The following ASNS variants were observed in gnomAD, a reference collection of about 807,000 sequenced individuals.
ASNS encodes the protein asparagine synthetase [glutamine-hydrolyzing].
Under a neutral mutation model 62.6 loss-of-function variants are expected in ASNS, and 37 were observed. That is an observed-to-expected ratio of 0.59 (90% CI 0.45 to 0.78). The LOEUF (loss-of-function observed/expected upper bound fraction) is 0.78, where lower values mean the gene tolerates loss of function less well. Ranked by LOEUF, ASNS falls within the 30% of genes least tolerant of loss-of-function variation. ASNS has a pLI of 0.00. For synonymous variants in ASNS, 207 were observed against 237.9 expected, an observed-to-expected ratio of 0.87 and a Z score of 1.19; for missense variants, 520 against 682.4, an observed-to-expected ratio of 0.76 and a Z score of 2.65.
chr7:97,896,164 A>G, the ASNS span, among the ~76,000 whole-genome samples: 80 of 152,218 alleles, frequency 5.3e-4, 1 homozygote, highest in Admixed American at 4.0e-3. Flanking sequence ...ATCCCTATTA[A>G]TTATATTCTT....
the ASNS span, among the ~76,000 whole-genome samples, chr7:97,916,467 CAG>C: frequency 1.3e-5 from 2 of 152,156 alleles, no homozygotes; most frequent in Non-Finnish European, 1.5e-5. Context: ...CTGGTTTCTA[CAG>C]AGTCTTTCAG....
At chr7:97,903,382 G>T in the ASNS span, among the ~76,000 whole-genome samples, 1 of 151,932 alleles carries the variant, frequency 6.6e-6, no homozygotes, top group Admixed American at 6.6e-5. Flanking sequence ...ACAAAGCTGA[G>T]ATTCACATGG....
At chr7:97,862,271 T>C (rs890471467) in intron 4 of ASNS, among the ~76,000 whole-genome samples, 6 of 151,926 alleles carry the variant, frequency 3.9e-5, no homozygotes, top group African/African-American at 1.5e-4. Flanking sequence ...AGTATAATAA[T>C]AATAATAATA....
At chr7:97,863,091 A>G (rs1332389091) in intron 4 of ASNS, 1 of 152,260 alleles carries the variant, frequency 6.6e-6, no homozygotes, top group African/African-American at 2.4e-5. Context: ...CAGTTCTTCA[A>G]CTGAACATAG....
chr7:97,886,770 C>T, the ASNS span, among the ~76,000 whole-genome samples: 4 of 152,176 alleles, frequency 2.6e-5, no homozygotes, highest in Admixed American at 6.5e-5. Context: ...CAACCTGACA[C>T]AAAGACCTTT....
At chr7:97,871,822 G>C (rs1792278213) in intron 1 of ASNS, 1 of 152,252 alleles carries the variant, frequency 6.6e-6, no homozygotes, top group Admixed American at 6.6e-5. Flanking sequence ...GGAGGAGGAG[G>C]GTGAGCGGTC....
At chr7:97,925,848 T>C in the ASNS span, among the ~76,000 whole-genome samples, 1 of 152,122 alleles carries the variant, frequency 6.6e-6, no homozygotes, top group Non-Finnish European at 1.5e-5. Flanking sequence ...TGGTTGAGGT[T>C]GATAACCAAA....
the ASNS span, among the ~76,000 whole-genome samples, chr7:97,927,931 C>T: frequency 6.6e-6 from 1 of 152,266 alleles, no homozygotes; most frequent in East Asian, 1.9e-4. Context: ...GCGAGGAGGG[C>T]TGCCCGTGCT....
the ASNS span, among the ~76,000 whole-genome samples, chr7:97,902,740 C>CA: frequency 5.9e-5 from 9 of 151,992 alleles, no homozygotes; most frequent in African/African-American, 2.2e-4. Context: ...ACAACAACAA[C>CA]AACAAAAAAC....
chr7:97,927,749 CCTT>C, the ASNS span, among the ~76,000 whole-genome samples: 316 of 150,608 alleles, frequency 2.1e-3, 3 homozygotes, highest in African/African-American at 7.2e-3. Flanking sequence ...GAACTGTCCT[CCTT>C]CTCCCGGGAT....
At position 97,852,479 on chromosome 7, in the gene ASNS, A is replaced by T; in HGVS notation, c.1477-11T>A. On this transcript the variant is annotated splice_polypyrimidine_tract_variant and intron_variant, in intron 12 of 12. Transcript: ENST00000394308. The stretch of plus-strand genomic sequence containing the variant: ...CATTGCATCATCAACCTGTAAGAAT[A>T]AGCATATAAGAGCAAAATGGCTTAA... 6.2e-7 allele frequency: 1 copy of T among 1,613,420 alleles called. No individual in the cohort carries two copies.
the ASNS span, among the ~76,000 whole-genome samples, chr7:97,896,741 C>CATATATATATATATATATATATAT: frequency 3.7e-3 from 72 of 19,724 alleles, 7 homozygotes; most frequent in Non-Finnish European, 6.0e-3. Context: ...CACACACACA[C>CATATATATATATATATATATATAT]ATATATATAT....
At chr7:97,878,533 C>G in the ASNS span, among the ~76,000 whole-genome samples, 28 of 152,302 alleles carry the variant, frequency 1.8e-4, no homozygotes, top group African/African-American at 6.3e-4. Flanking sequence ...TGAGTGAACT[C>G]CCATTCACAA....
chr7:97,906,232 G>A, the ASNS span, among the ~76,000 whole-genome samples: 1,667 of 152,094 alleles, frequency 0.011, 35 homozygotes, highest in African/African-American at 0.039. Context: ...TAGAATTCAT[G>A]CTACCAGTTT....
chr7:97,900,171 C>T, the ASNS span, among the ~76,000 whole-genome samples: 1 of 150,732 alleles, frequency 6.6e-6, no homozygotes, highest in Non-Finnish European at 1.5e-5. Flanking sequence ...ACCAGCCTGG[C>T]CAACATGGTG....
the ASNS span, among the ~76,000 whole-genome samples, chr7:97,883,075 A>C: frequency 6.6e-6 from 1 of 152,212 alleles, no homozygotes; most frequent in Non-Finnish European, 1.5e-5. Flanking sequence ...AGGCCAAACT[A>C]TTATAGTAAC....
At position 97,852,460 on chromosome 7, in the gene ASNS, A is replaced by C; in HGVS notation, c.1485T>G (p.Asp495Glu). ...LQEYVEHQVD[D>E]AMMANAAQKF... ...TCTGGGCTGCATTTGCCATCATTGC[A>C]TCATCAACCTGTAAGAATAAGCATA... The change falls in exon 13 of 13, where the codon GAT (aspartate) becomes GAG (glutamate). Residue 495 changes from aspartate (D) to glutamate (E), a missense_variant. Asp to Glu is a conservative substitution (Grantham distance 45). Transcript: ENST00000394308. 1 of 1,614,160 alleles carries C rather than the reference A, an allele frequency of 6.2e-7. No individual in the cohort carries two copies. Among genetic ancestry groups the C allele is most frequent in the Non-Finnish European group, 8.5e-7 (1 of 1,179,996 alleles).
At chr7:97,857,435 G>A (rs1209159112) in intron 7 of ASNS, among the ~76,000 whole-genome samples, 1 of 151,964 alleles carries the variant, frequency 6.6e-6, no homozygotes, top group East Asian at 1.9e-4. Context: ...CACTCATTAA[G>A]TACTTACTAC....
At chr7:97,894,474 G>T in the ASNS span, among the ~76,000 whole-genome samples, 10 of 81,758 alleles carry the variant, frequency 1.2e-4, no homozygotes, top group Admixed American at 6.9e-4. Flanking sequence ...CACTAGTGAG[G>T]CTAACCAAAA....
Sources: gnomAD v4.1 joint callset for allele counts (sites outside exome capture counted in the v4.1 genomes callset) on GRCh38, gnomAD v4.1.1 for gene constraint, MANE v1.5 for transcripts, NCBI Gene and HGNC (gene_info 2026-07-23, HGNC 2026-07-21) for gene names.